Variants in AADAT observed in about 807,000 individuals in gnomAD.
The protein encoded by AADAT is aminoadipate aminotransferase, also known as kynurenine/alpha-aminoadipate aminotransferase, mitochondrial.
In AADAT, 25 loss-of-function variants were observed where a neutral mutation model predicts 56.2. The ratio of observed to expected loss-of-function variants is 0.44; its 90% CI spans 0.32 to 0.62. The LOEUF (loss-of-function observed/expected upper bound fraction) is 0.62. AADAT is among the 20% of genes least tolerant of loss of function. The pLI, the probability that AADAT is intolerant of heterozygous loss-of-function variation, is 0.04. For synonymous variants in AADAT, 173 were observed against 164.7 expected, an observed-to-expected ratio of 1.05 and a Z score of -0.39; for missense variants, 387 against 510.5, an observed-to-expected ratio of 0.76 and a Z score of 2.33.
In AADAT at chr4:170,089,661, C is replaced by G. The variant is rs755262373; in HGVS notation, c.30G>C (p.Ala10=). 6.2e-7 allele frequency: 1 copy of G among 1,614,174 alleles called. No homozygotes were observed. Among genetic ancestry groups the G allele is most frequent in the East Asian group, 2.2e-5 (1 of 44,860 alleles). ...TGGGAGAAGGGTTTCTGGCTGCGCT[C>G]GCTGCCGTGATGAACCGTGCGTAAT... The part of the protein sequence containing the change: MNYARFITA[A]SAARNPSPIR... Residue 10 remains alanine, a synonymous_variant, in exon 1 of 13, where the codon GCG becomes GCC. Coordinates refer to ENST00000337664, the MANE Select transcript of AADAT (RefSeq NM_016228.4).
upstream of AADAT, among the ~76,000 whole-genome samples, chr4:170,090,692 C>T (rs1732787611): frequency 6.6e-6 from 1 of 151,994 alleles, no homozygotes; most frequent in African/African-American, 2.4e-5. Context: ...ACAAAATAAC[C>T]CTTCTTACTC....
intron 3 of AADAT, among the ~76,000 whole-genome samples, chr4:170,079,572 G>A (rs1320723795): frequency 6.6e-6 from 1 of 152,180 alleles, no homozygotes; most frequent in Admixed American, 6.5e-5. Context: ...TTAAAGTAGA[G>A]TGGTGACAGA....
intron 9 of AADAT, 69 bp downstream of exon 9, chr4:170,067,258 T>C: frequency 8.9e-7 from 1 of 1,126,566 alleles, no homozygotes; most frequent in South Asian, 1.3e-5. Flanking sequence ...ATCAATACTG[T>C]AGGTGATCTG....
chr4:170,078,136 T>C (rs1157208403), intron 4 of AADAT, among the ~76,000 whole-genome samples: 1 of 152,182 alleles, frequency 6.6e-6, no homozygotes, highest in Non-Finnish European at 1.5e-5. Context: ...AACTGACATA[T>C]AACATAGTTG....
intron 2 of AADAT, among the ~76,000 whole-genome samples, chr4:170,088,111 T>C (rs1484787020): frequency 6.6e-6 from 1 of 151,902 alleles, no homozygotes; most frequent in African/African-American, 2.4e-5. Flanking sequence ...TTCTTGGTCA[T>C]TTGCGATTGA....
Position 170,089,913 on chromosome 4 carries a change from G to C in AADAT, c.-223C>G, listed in dbSNP as rs1353307454. On this transcript the variant is annotated 5_prime_UTR_variant, in exon 1 of 13. Coordinates refer to ENST00000337664, the MANE Select transcript of AADAT (RefSeq NM_016228.4). ...GTCTCCCGGTCCTAAACGGGTCTGGGGCTGTGTGGCGAGCCCGGCAAAGTC... is the reference window on the plus strand; with the variant it reads ...GTCTCCCGGTCCTAAACGGGTCTGGCGCTGTGTGGCGAGCCCGGCAAAGTC... 5 of 482,410 alleles carry C rather than the reference G, an allele frequency of 1.0e-5. No individual in the cohort carries two copies. Among genetic ancestry groups the C allele is most frequent in the Non-Finnish European group, 1.1e-5 (3 of 273,750 alleles). 29.9% of individuals were successfully genotyped at this position (482,410 alleles called of 1,614,324 possible). A position where few individuals can be genotyped will look rare whatever the true frequency, so the allele number is the denominator to read the frequency against.
At chr4:170,066,284 A>C in intron 10 of AADAT, 130 bp downstream of exon 10, 1 of 793,430 alleles carries the variant, frequency 1.3e-6, no homozygotes, top group Admixed American at 2.0e-5. Context: ...TTTATGGTGT[A>C]ATGTTTCCTT....
At chr4:170,061,438 A>G (rs1036179641) in intron 12 of AADAT, among the ~76,000 whole-genome samples, 2 of 152,212 alleles carry the variant, frequency 1.3e-5, no homozygotes. Flanking sequence ...GCACTGTTCA[A>G]TTTATAGCTC....
At chr4:170,092,240 T>G (rs1732878589), upstream of AADAT, among the ~76,000 whole-genome samples, 1 of 152,264 alleles carries the variant, frequency 6.6e-6, no homozygotes, top group African/African-American at 2.4e-5. Context: ...TTGCTGCTGC[T>G]GACTCTTTGG....
rs142705264 is a variant in AADAT, at chr4:170,079,570, G to C, written c.370-987C>G. Among the ~76,000 whole-genome samples the C allele has an allele frequency of 1.4e-4, 21 of 152,308 alleles. No homozygotes were observed. In the East Asian group the frequency reaches 3.9e-3, roughly 28 times the overall value. ...AACAGGTAAGGGTCATCTTAAAGTAGAGTGGTGACAGAGGAATTGTAGAGA... is the reference window on the plus strand; with the variant it reads ...AACAGGTAAGGGTCATCTTAAAGTACAGTGGTGACAGAGGAATTGTAGAGA... On this transcript the variant is annotated intron_variant, in intron 3 of 12. Transcript: ENST00000337664.
Position 170,060,495 on chromosome 4 carries a change from A to C in AADAT, c.*433T>G, listed in dbSNP as rs964833656. On this transcript the variant is annotated 3_prime_UTR_variant, in exon 13 of 13. Transcript: ENST00000337664. ...AGCAACTACAAAGTTCTTCATAATA[A>C]ATCCAAGATAAAAGTAACTTTTTAC... 2 of 153,130 alleles carry C rather than the reference A, an allele frequency of 1.3e-5. No homozygotes were observed. Among genetic ancestry groups the C allele is most frequent in the Admixed American group, 1.3e-4 (2 of 15,316 alleles). The allele number at this position is 153,130 out of a possible 1,614,324, so 9.5% of individuals were successfully genotyped here. A position where few individuals can be genotyped will look rare whatever the true frequency, so the allele number is the denominator to read the frequency against.
intron 1 of AADAT, among the ~76,000 whole-genome samples, chr4:170,088,770 G>C (rs914480654): frequency 1.3e-5 from 2 of 152,128 alleles, no homozygotes; most frequent in African/African-American, 4.8e-5. Context: ...GTCTCTAGAG[G>C]TGATTAGGTC....
In AADAT at chr4:170,086,377, G is replaced by C. The variant is rs571694412; in HGVS notation, c.369+739C>G. Among the ~76,000 whole-genome samples, 43 of 152,032 alleles carry C rather than the reference G, an allele frequency of 2.8e-4. 2 individuals carry two copies. The highest frequency in any genetic ancestry group is 2.8e-3 in the Admixed American group (43 of 15,290). ...CCGGAACCCAGAAGGGAAGAAGATG[G>C]AATAACTAATGCCAGGGGGAGAGGG... On this transcript the variant is annotated intron_variant, in intron 3 of 12. Coordinates refer to ENST00000337664, the MANE Select transcript of AADAT (RefSeq NM_016228.4).
intron 6 of AADAT, among the ~76,000 whole-genome samples, chr4:170,069,976 G>C (rs1002763633): frequency 2.0e-5 from 3 of 152,086 alleles, no homozygotes; most frequent in South Asian, 4.1e-4. Context: ...CATCATGAAA[G>C]GTAGCTCACA....
chr4:170,066,064 A>G (rs1305942954), intron 10 of AADAT, among the ~76,000 whole-genome samples: 1 of 152,046 alleles, frequency 6.6e-6, no homozygotes, highest in African/African-American at 2.4e-5. Context: ...TGTACAGCTT[A>G]GTTAGAGAAG....
intron 3 of AADAT, among the ~76,000 whole-genome samples, chr4:170,086,388 G>A (rs1390971737): frequency 1.3e-5 from 2 of 150,518 alleles, no homozygotes; most frequent in Non-Finnish European, 2.9e-5. Flanking sequence ...AATAACTAAT[G>A]CCAGGGGGAG....
chr4:170,071,661 G>A (rs896622267), intron 5 of AADAT, among the ~76,000 whole-genome samples: 7 of 152,172 alleles, frequency 4.6e-5, no homozygotes, highest in African/African-American at 1.7e-4. Context: ...GCTGGCTGCT[G>A]TGTGAAGAGT....
chr4:170,073,326 T>C lies in AADAT; in HGVS notation c.464A>G (p.Asn155Ser). 2 of 1,614,028 alleles carry C rather than the reference T, an allele frequency of 1.2e-6. No individual in the cohort carries two copies. The highest frequency in any genetic ancestry group is 1.7e-6 in the Non-Finnish European group (2 of 1,180,006). The change falls in exon 5 of 13, where the codon AAC (asparagine) becomes AGC (serine). Residue 155 changes from asparagine (N) to serine (S), a missense_variant. Physicochemically the swap from Asn to Ser is conservative, Grantham distance 46. Coordinates refer to ENST00000337664, the MANE Select transcript of AADAT (RefSeq NM_016228.4). ...TLQSLHPLGC[N>S]IINVASDESG... ...TTCATCACTGGCAACATTAATAATG[T>C]TGCAGCCCAGTGGGTGCAGCTGTTG... is the stretch of plus-strand genomic sequence containing the variant.
At chr4:170,090,018 CCCGCG>C, upstream of AADAT, 1 of 160,188 alleles carries the variant, frequency 6.2e-6, no homozygotes. Context: ...CCCCTCCCGC[CCCGCG>C]CCGTGGCCTA....
Sources: allele counts gnomAD v4.1 joint callset (sites outside exome capture counted in the v4.1 genomes callset), GRCh38; gene constraint gnomAD v4.1.1; transcripts MANE v1.5; gene names NCBI Gene and HGNC (gene_info 2026-07-23, HGNC 2026-07-21).